The following LRRC4C variants were observed in gnomAD, a reference collection of about 807,000 sequenced individuals.
LRRC4C encodes the protein leucine-rich repeat-containing protein 4C.
A neutral mutation model predicts 33.6 loss-of-function variants in LRRC4C; 5 were observed. The ratio of observed to expected loss-of-function variants is 0.15; its 90% CI spans 0.08 to 0.31. The LOEUF (loss-of-function observed/expected upper bound fraction) is 0.31. Among genes scored for constraint, LRRC4C ranks in the 10% least tolerant of loss-of-function variants. The pLI, the probability that LRRC4C is intolerant of heterozygous loss-of-function variation, is 1.00. For missense variants in LRRC4C, 560 were observed against 796.7 expected (o/e 0.70, Z 3.58); for synonymous variants, 329 against 302.0 (o/e 1.09, Z -0.93).
At chr11:41,265,878 T>TTA (rs200463588) in intron 1 of LRRC4C, among the ~76,000 whole-genome samples, 33,358 of 149,902 alleles carry the variant, frequency 0.22, 4,371 homozygotes, top group African/African-American at 0.37. Context: ...TTTCTTTTTT[T>TTA]AAAAAAAAAA....
At chr11:40,626,088 T>G (rs563997753) in intron 3 of LRRC4C, among the ~76,000 whole-genome samples, 3 of 152,162 alleles carry the variant, frequency 2.0e-5, no homozygotes. Context: ...CCTCTCTACC[T>G]TTTGTTACCC....
chr11:41,178,063 C>T (rs1945281348), intron 1 of LRRC4C, among the ~76,000 whole-genome samples: 1 of 152,096 alleles, frequency 6.6e-6, no homozygotes, highest in Non-Finnish European at 1.5e-5. Flanking sequence ...ATAAAATCTC[C>T]AGTGTCTCCC....
intron 3 of LRRC4C, among the ~76,000 whole-genome samples, chr11:40,407,290 G>A (rs555949200): frequency 4.9e-4 from 75 of 152,176 alleles, no homozygotes; most frequent in Middle Eastern, 3.4e-3. Flanking sequence ...CCTCACACAT[G>A]AGCCAAACTA....
At chr11:40,528,375 C>T (rs1269816521) in intron 3 of LRRC4C, among the ~76,000 whole-genome samples, 1 of 151,656 alleles carries the variant, frequency 6.6e-6, no homozygotes, top group African/African-American at 2.4e-5. Flanking sequence ...ATATAAATGG[C>T]CAATAAGTAT....
At chr11:40,956,801 A>C (rs1264828524) in intron 1 of LRRC4C, among the ~76,000 whole-genome samples, 1 of 151,604 alleles carries the variant, frequency 6.6e-6, no homozygotes, top group African/African-American at 2.4e-5. Flanking sequence ...TCCCATTCCA[A>C]CCTTCACTTC....
intron 1 of LRRC4C, among the ~76,000 whole-genome samples, chr11:41,226,776 A>ACACACACACC (rs1224365308): frequency 6.7e-6 from 1 of 149,424 alleles, no homozygotes; most frequent in Non-Finnish European, 1.5e-5. Context: ...ACACACACAC[A>ACACACACACC]CCCTTCTCTC....
At chr11:40,984,058 A>G (rs1448317391) in intron 1 of LRRC4C, among the ~76,000 whole-genome samples, 3 of 152,118 alleles carry the variant, frequency 2.0e-5, no homozygotes, top group African/African-American at 7.2e-5. Flanking sequence ...TCTAATGGAG[A>G]ATAACATATT....
intron 1 of LRRC4C, among the ~76,000 whole-genome samples, chr11:41,381,614 A>G (rs1220774916): frequency 7.3e-6 from 1 of 136,344 alleles, no homozygotes; most frequent in East Asian, 2.1e-4. Context: ...GCAACAGAGC[A>G]AGACTCTGCT....
Position 40,833,349 on chromosome 11 carries a change from A to AT in LRRC4C, c.-407+100285dup, listed in dbSNP as rs532215602. Among the ~76,000 whole-genome samples the AT allele has an allele frequency of 1.7e-4, 26 of 152,216 alleles. No homozygotes were observed. The South Asian group carries it at 5.2e-3, about 30-fold the overall frequency. ...TGTATGAGACATTGATAAAATGTAA[A>AT]TTTTTTTCCAGTTGTCACATTTAGT... On this transcript the variant is annotated intron_variant, in intron 2 of 6. Coordinates refer to ENST00000528697, the MANE Select transcript of LRRC4C (RefSeq NM_001258419.2).
At chr11:40,281,039 T>C (rs1308420049) in intron 4 of LRRC4C, among the ~76,000 whole-genome samples, 1 of 152,084 alleles carries the variant, frequency 6.6e-6, no homozygotes, top group Non-Finnish European at 1.5e-5. Context: ...GGACTAAGGA[T>C]GAAGGCGGAT....
At chr11:40,274,795 A>G (rs1470616221) in intron 4 of LRRC4C, among the ~76,000 whole-genome samples, 1 of 152,128 alleles carries the variant, frequency 6.6e-6, no homozygotes, top group East Asian at 1.9e-4. Context: ...CTACAACCAG[A>G]GCACACAGCA....
chr11:41,258,786 A>G (rs754404749), intron 1 of LRRC4C, among the ~76,000 whole-genome samples: 6 of 152,022 alleles, frequency 3.9e-5, no homozygotes, highest in Non-Finnish European at 5.9e-5. Flanking sequence ...AACACTCTAG[A>G]ATATGTTATG....
At chr11:41,398,549 C>T (rs1038868957) in intron 1 of LRRC4C, among the ~76,000 whole-genome samples, 8 of 151,884 alleles carry the variant, frequency 5.3e-5, no homozygotes, top group African/African-American at 1.9e-4. Flanking sequence ...ATGGTTTCCC[C>T]TTTTGAAGAA....
chr11:40,440,299 C>CTTTTTTTTTTTTTTTTTTTTTTTTT (rs66998647), intron 3 of LRRC4C, among the ~76,000 whole-genome samples: 1 of 131,872 alleles, frequency 7.6e-6, no homozygotes, highest in African/African-American at 2.9e-5. Context: ...TGGTCTCTTT[C>CTTTTTTTTTTTTTTTTTTTTTTTTT]TTTTTTTTTT....
At chr11:41,083,739 G>A (rs975157370) in intron 1 of LRRC4C, among the ~76,000 whole-genome samples, 2 of 152,192 alleles carry the variant, frequency 1.3e-5, no homozygotes, top group African/African-American at 4.8e-5. Flanking sequence ...AACCCATGCT[G>A]CAGCAGAGAT....
At chr11:40,160,003 G>A (rs146110618) in intron 5 of LRRC4C, among the ~76,000 whole-genome samples, 87 of 152,236 alleles carry the variant, frequency 5.7e-4, no homozygotes, top group African/African-American at 1.9e-3. Flanking sequence ...ACACCTCTAC[G>A]TGTTATTACA....
intron 5 of LRRC4C, among the ~76,000 whole-genome samples, chr11:40,210,572 G>T (rs1250960468): frequency 6.6e-6 from 1 of 151,868 alleles, no homozygotes; most frequent in Non-Finnish European, 1.5e-5. Context: ...TCCCTTCTTG[G>T]GCTACGTGGC....
chr11:41,401,995 T>C (rs1399545383), intron 1 of LRRC4C, among the ~76,000 whole-genome samples: 1 of 152,004 alleles, frequency 6.6e-6, no homozygotes, highest in Non-Finnish European at 1.5e-5. Flanking sequence ...GCAGACATTA[T>C]TGAACACTTA....
intron 2 of LRRC4C, among the ~76,000 whole-genome samples, chr11:40,717,553 G>GGGGTTCTTTTT (rs1946791110): frequency 6.6e-6 from 1 of 152,006 alleles, no homozygotes; most frequent in Admixed American, 6.6e-5. Flanking sequence ...AAAATAACAT[G>GGGGTTCTTTTT]GGGTTCTTTT....
Sources: gnomAD v4.1 joint callset for allele counts (sites outside exome capture counted in the v4.1 genomes callset) on GRCh38, gnomAD v4.1.1 for gene constraint, MANE v1.5 for transcripts, NCBI Gene and HGNC (gene_info 2026-07-23, HGNC 2026-07-21) for gene names.